FBXL4: variants seen among roughly 807,000 people sequenced by gnomAD.
FBXL4 encodes F-box and leucine rich repeat protein 4, also known as F-box/LRR-repeat protein 4.
FBXL4 carries 40 observed loss-of-function variants against 58.9 expected under a neutral mutation model. The observed-to-expected ratio is 0.68, with a 90% CI of 0.53 to 0.88. The LOEUF (loss-of-function observed/expected upper bound fraction) is 0.88. FBXL4 is among the 40% of genes least tolerant of loss of function. The pLI is 0.00. For missense variants in FBXL4, 676 were observed against 734.4 expected (o/e 0.92, Z 0.92); for synonymous variants, 263 against 265.5 (o/e 0.99, Z 0.09).
chr6:98,894,605 T>C lies in FBXL4; in HGVS notation c.1317+4663A>G, dbSNP rs1008956475. ...CCAACTAAGGACAAGCCTGTGACAATGCGAGCATATATTTGGGCTTACTGT... is the reference window on the plus strand; with the variant it reads ...CCAACTAAGGACAAGCCTGTGACAACGCGAGCATATATTTGGGCTTACTGT... On this transcript the variant is annotated intron_variant, in intron 7 of 9. Coordinates refer to ENST00000369244, the MANE Select transcript of FBXL4 (RefSeq NM_001278716.2). Among the ~76,000 whole-genome samples the C allele has an allele frequency of 2.6e-5, 4 of 152,290 alleles. No individual in the cohort carries two copies. In the East Asian group the frequency reaches 5.8e-4, roughly 22 times the overall value.
rs1771775068 is a variant in FBXL4, at chr6:98,905,562, G to A, written c.967C>T (p.Leu323Phe). The part of the protein sequence containing the change: ...HCCDPLQYIH[L>F]NLQPYWAKLD... Reference sequence around the variant, plus strand: ...TTTGCCCAGTATGGTTGCAGATTGAGGTGGATGTATTGCAGAGGATCACAG... The same window carrying A: ...TTTGCCCAGTATGGTTGCAGATTGAAGTGGATGTATTGCAGAGGATCACAG... The change falls in exon 6 of 10, where the codon CTC becomes TTC. Residue 323 changes from leucine (L) to phenylalanine (F), a missense_variant. Coordinates refer to ENST00000369244, the MANE Select transcript of FBXL4 (RefSeq NM_001278716.2). 6.2e-7 allele frequency: 1 copy of A among 1,613,926 alleles called. No individual in the cohort carries two copies. Among genetic ancestry groups the A allele is most frequent in the African/African-American group, 1.3e-5 (1 of 74,918 alleles).
At chr6:98,943,259 T>G (rs377511595) in intron 1 of FBXL4, among the ~76,000 whole-genome samples, 1 of 150,462 alleles carries the variant, frequency 6.6e-6, no homozygotes, top group Admixed American at 6.6e-5. Context: ...TTTTATAAAA[T>G]GTAAAACAAA....
At chr6:98,897,466 C>T (rs1465878932) in intron 7 of FBXL4, 6 of 496,472 alleles carry the variant, frequency 1.2e-5, no homozygotes, top group East Asian at 3.1e-4. Flanking sequence ...GCTGGCAGGG[C>T]TAGAACTAGA....
chr6:98,921,935 C>T (rs1342651703), intron 4 of FBXL4, among the ~76,000 whole-genome samples: 1 of 152,064 alleles, frequency 6.6e-6, no homozygotes, highest in East Asian at 1.9e-4. Context: ...CTGAGCTAGC[C>T]TATTTTCTGA....
chr6:98,882,618 C>A (rs1385016780), intron 7 of FBXL4, among the ~76,000 whole-genome samples: 1 of 151,816 alleles, frequency 6.6e-6, no homozygotes, highest in Non-Finnish European at 1.5e-5. Flanking sequence ...ATGTAGCCAC[C>A]ACTCAATTTA....
intron 7 of FBXL4, 111 bp downstream of exon 7, chr6:98,899,157 T>C: frequency 1.3e-6 from 2 of 1,493,806 alleles, no homozygotes; most frequent in Non-Finnish European, 1.8e-6. Context: ...TCAGAAGGCA[T>C]CATAAACTTG....
chr6:98,899,800 A>C (rs1255186328), intron 6 of FBXL4, among the ~76,000 whole-genome samples: 2 of 152,058 alleles, frequency 1.3e-5, no homozygotes, highest in Admixed American at 1.3e-4. Context: ...AAGCCAAAAA[A>C]CAAAAACAAA....
intron 7 of FBXL4, among the ~76,000 whole-genome samples, chr6:98,886,568 C>T (rs942508977): frequency 1.6e-4 from 25 of 152,138 alleles, no homozygotes; most frequent in African/African-American, 6.0e-4. Context: ...AAGGTACTTT[C>T]ACTATTTCTT....
chr6:98,885,990 G>T (rs559930790), intron 7 of FBXL4, among the ~76,000 whole-genome samples: 1 of 152,170 alleles, frequency 6.6e-6, no homozygotes, highest in South Asian at 2.1e-4. Context: ...AAGCTGAAGG[G>T]GAACTGTAGC....
Position 98,927,814 on chromosome 6 carries a change from T to G in FBXL4, c.-182A>C, listed in dbSNP as rs1026495785. The G allele has an allele frequency of 5.9e-5, 9 of 152,256 alleles. No individual in the cohort carries two copies. Among genetic ancestry groups the G allele is most frequent in the Non-Finnish European group, 7.3e-5 (5 of 68,038 alleles). The allele number at this position is 152,256 out of a possible 1,614,324, so 9.4% of individuals were successfully genotyped here. On this transcript the variant is annotated 5_prime_UTR_variant, in exon 3 of 10. It removes an upstream start codon present in the reference 5' UTR. Transcript: ENST00000369244. Reference sequence around the variant, plus strand: ...CAGGTACAAATGCTGACATGTGACATTCTTTTACCTGTAAGAAAAGAGTTT... The same window carrying G: ...CAGGTACAAATGCTGACATGTGACAGTCTTTTACCTGTAAGAAAAGAGTTT...
Position 98,917,569 on chromosome 6 carries a change from A to C in FBXL4, c.663T>G (p.Asp221Glu). 2 of 1,614,056 alleles carry C rather than the reference A, an allele frequency of 1.2e-6. No homozygotes were observed. Among genetic ancestry groups the C allele is most frequent in the Non-Finnish European group, 1.7e-6 (2 of 1,179,922 alleles). ...SSLLEYYTEL[D>E]AVVLHGVKDK... ...CCTTCACACCATGTAGCACAACTGC[A>C]TCTAATTCAGTGTAATATTCCAGAA... The change falls in exon 5 of 10, where the codon GAT becomes GAG. Residue 221 changes from aspartate to glutamate, a missense_variant. By Grantham distance (45) the Asp-to-Glu change is conservative. Transcript: ENST00000369244.
intron 5 of FBXL4, among the ~76,000 whole-genome samples, chr6:98,916,046 G>A (rs1772331701): frequency 6.6e-6 from 1 of 152,158 alleles, no homozygotes; most frequent in Admixed American, 6.5e-5. Context: ...CATTTATGCA[G>A]CCAAAAGACA....
intron 1 of FBXL4, among the ~76,000 whole-genome samples, chr6:98,938,646 TA>T (rs1323834919): frequency 2.6e-5 from 4 of 152,236 alleles, no homozygotes; most frequent in African/African-American, 9.6e-5. Flanking sequence ...GTCTTGATCA[TA>T]AACCCAGATA....
chr6:98,898,637 T>C (rs1196072868), intron 7 of FBXL4: 26 of 984,084 alleles, frequency 2.6e-5, no homozygotes, highest in Non-Finnish European at 3.0e-5. Context: ...CACAGAAGAA[T>C]GTTAGTGCTA....
intron 4 of FBXL4, 66 bp downstream of exon 4, chr6:98,926,411 A>T: frequency 6.9e-7 from 1 of 1,451,046 alleles, no homozygotes; most frequent in Non-Finnish European, 9.3e-7. Flanking sequence ...AATAAAAAAG[A>T]TCTCCAATAT....
intron 7 of FBXL4, among the ~76,000 whole-genome samples, chr6:98,881,931 T>G (rs1371645915): frequency 5.3e-5 from 8 of 151,942 alleles, no homozygotes; most frequent in South Asian, 4.1e-4. Flanking sequence ...ACATTAGGTT[T>G]GTTTTTTTTT....
At position 98,872,245 on chromosome 6, in the gene FBXL4, T is replaced by G. The variant is rs1770510169; in HGVS notation, c.*2033A>C. 1 of 152,202 alleles carries G rather than the reference T, an allele frequency of 6.6e-6. No homozygotes were observed. The highest frequency in any genetic ancestry group is 6.5e-5 in the Admixed American group (1 of 15,278). 9.4% of individuals were successfully genotyped at this position (152,202 alleles called of 1,614,324 possible). A position where few individuals can be genotyped will look rare whatever the true frequency, so the allele number is the denominator to read the frequency against. ...GTGCAATTGAGGAGCTTCTGCCTAG[T>G]CTTCAATTGGAAGTGATTAAGCTGC... On this transcript the variant is annotated 3_prime_UTR_variant, in exon 10 of 10. Coordinates refer to ENST00000369244, the MANE Select transcript of FBXL4 (RefSeq NM_001278716.2).
chr6:98,885,829 T>A (rs1771018466), intron 7 of FBXL4, among the ~76,000 whole-genome samples: 1 of 152,222 alleles, frequency 6.6e-6, no homozygotes, highest in Admixed American at 6.5e-5. Flanking sequence ...TTTGGAACCC[T>A]CCTAATACAG....
At chr6:98,937,635 A>G (rs1773271476) in intron 1 of FBXL4, among the ~76,000 whole-genome samples, 1 of 152,052 alleles carries the variant, frequency 6.6e-6, no homozygotes, top group South Asian at 2.1e-4. Flanking sequence ...AGGAGGTGTA[A>G]AAAGAGGCAG....
Sources: allele counts gnomAD v4.1 joint callset (sites outside exome capture counted in the v4.1 genomes callset), GRCh38; gene constraint gnomAD v4.1.1; transcripts MANE v1.5; gene names NCBI Gene and HGNC (gene_info 2026-07-23, HGNC 2026-07-21).